ZCCHC14: variants seen among roughly 807,000 people sequenced by gnomAD.
ZCCHC14 encodes zinc finger CCHC-type containing 14.
A neutral mutation model predicts 85.0 loss-of-function variants in ZCCHC14; 16 were observed. The observed-to-expected ratio is 0.19, with a 90% CI of 0.13 to 0.29. The LOEUF is 0.29. ZCCHC14 is among the 10% of genes least tolerant of loss of function. The pLI is 1.00. For synonymous variants in ZCCHC14, 775 were observed against 630.7 expected (o/e 1.23, Z -3.43); for missense variants, 1,303 against 1,443.5 (o/e 0.90, Z 1.58).
chr16:87,419,321 G>A (rs1457170319), intron 6 of ZCCHC14, among the ~76,000 whole-genome samples: 1 of 150,838 alleles, frequency 6.6e-6, no homozygotes, highest in East Asian at 2.0e-4. Flanking sequence ...TTATTTTGGA[G>A]ATGGAGACTT....
intron 6 of ZCCHC14, 119 bp from the exon 7 acceptor site, chr16:87,419,020 G>C (rs950987530): frequency 1.1e-5 from 10 of 925,270 alleles, no homozygotes; most frequent in African/African-American, 3.3e-5. Context: ...GCAATGGTGC[G>C]ATCTCGGCTC....
At chr16:87,419,352 G>A (rs1364493513) in intron 6 of ZCCHC14, among the ~76,000 whole-genome samples, 1 of 152,006 alleles carries the variant, frequency 6.6e-6, no homozygotes, top group African/African-American at 2.4e-5. Flanking sequence ...CCATGCTGGA[G>A]TGCAGTGGTG....
At chr16:87,454,038 G>C (rs764098305) in intron 2 of ZCCHC14, among the ~76,000 whole-genome samples, 45 of 152,146 alleles carry the variant, frequency 3.0e-4, no homozygotes, top group African/African-American at 4.8e-5. Flanking sequence ...CATTAGCTTG[G>C]TGTACCAGCA....
chr16:87,444,993 C>A (rs889841629), intron 2 of ZCCHC14, among the ~76,000 whole-genome samples: 2 of 152,120 alleles, frequency 1.3e-5, no homozygotes, highest in Non-Finnish European at 2.9e-5. Flanking sequence ...ACAATTCACT[C>A]CCAATGTTTC....
At chr16:87,410,932 C>A (rs1199804393) in intron 12 of ZCCHC14, among the ~76,000 whole-genome samples, 1 of 152,200 alleles carries the variant, frequency 6.6e-6, no homozygotes, top group East Asian at 1.9e-4. Context: ...GAGTTGGGAC[C>A]CACCTTCCCA....
chr16:87,462,768 A>G (rs1414576646), intron 1 of ZCCHC14, among the ~76,000 whole-genome samples: 1 of 148,570 alleles, frequency 6.7e-6, no homozygotes, highest in Non-Finnish European at 1.5e-5. Flanking sequence ...AGAAAAAAGA[A>G]AAAAAACAAA....
intron 1 of ZCCHC14, among the ~76,000 whole-genome samples, chr16:87,478,054 A>G (rs1247802820): frequency 2.6e-5 from 4 of 152,208 alleles, no homozygotes; most frequent in East Asian, 3.8e-4. Context: ...TCCTCACCTC[A>G]TATCTTTATT....
chr16:87,484,394 T>C (rs990798409), intron 1 of ZCCHC14, among the ~76,000 whole-genome samples: 1 of 152,074 alleles, frequency 6.6e-6, no homozygotes, highest in Admixed American at 6.5e-5. Context: ...TCCGAAAAAA[T>C]TGTTTTTGTC....
In ZCCHC14 at chr16:87,407,928, G is replaced by A. The variant is rs1481912896; in HGVS notation, c.*2352C>T. 1 of 152,728 alleles carries A rather than the reference G, an allele frequency of 6.5e-6. No homozygotes were observed. The highest frequency in any genetic ancestry group is 6.5e-5 in the Admixed American group (1 of 15,290). The allele number at this position is 152,728 out of a possible 1,614,324, so 9.5% of individuals were successfully genotyped here. On this transcript the variant is annotated 3_prime_UTR_variant, in exon 13 of 13. Coordinates refer to ENST00000671377, the MANE Select transcript of ZCCHC14 (RefSeq NM_015144.3). ...GGTGGTTCCATTTTCTCTGCGCTGTGTAGCTCCTACTTACAGCTGACGATT... is the reference window on the plus strand; with the variant it reads ...GGTGGTTCCATTTTCTCTGCGCTGTATAGCTCCTACTTACAGCTGACGATT...
At chr16:87,415,215 C>G in intron 9 of ZCCHC14, 61 bp downstream of exon 9, 1 of 1,505,600 alleles carries the variant, frequency 6.6e-7, no homozygotes, top group Non-Finnish European at 9.2e-7. Context: ...AGCCTCAGCA[C>G]TCCATTCGGC....
intron 7 of ZCCHC14, 86 bp from the exon 8 acceptor site, chr16:87,417,828 C>T: frequency 7.0e-7 from 1 of 1,429,818 alleles, no homozygotes; most frequent in African/African-American, 1.4e-5. Context: ...CCAGGCCTTT[C>T]TGTGCCAGCC....
At chr16:87,447,915 T>G (rs1910519101) in intron 2 of ZCCHC14, among the ~76,000 whole-genome samples, 1 of 152,226 alleles carries the variant, frequency 6.6e-6, no homozygotes, top group African/African-American at 2.4e-5. Context: ...TACTCTCCTG[T>G]GGCTTTGATG....
chr16:87,486,909 A>G (rs1912536441), intron 1 of ZCCHC14, among the ~76,000 whole-genome samples: 1 of 152,208 alleles, frequency 6.6e-6, no homozygotes, highest in Non-Finnish European at 1.5e-5. Context: ...GCTGCTCCAG[A>G]GAGAGTCCGT....
In ZCCHC14 at chr16:87,417,765, A is replaced by T. The variant is rs747943397; in HGVS notation, c.1101-23T>A. 5.2e-6 allele frequency: 8 copies of T among 1,543,822 alleles called. No individual in the cohort carries two copies. The South Asian group carries it at 9.8e-5, about 19-fold the overall frequency. The stretch of plus-strand genomic sequence containing the variant: ...GGCCTGTGGGACAGGGGCAGGAGGG[A>T]CACAGAGAGACTGTGGCTTCCACAA... On this transcript the variant is annotated intron_variant, in intron 7 of 12. Transcript: ENST00000671377.
rs772215812 is a variant in ZCCHC14 at position 87,412,831 on chromosome 16, C to T, written c.1890G>A (p.Leu630=). The T allele has an allele frequency of 1.3e-5, 21 of 1,609,842 alleles. No individual in the cohort carries two copies. Among genetic ancestry groups the T allele is most frequent in the Non-Finnish European group, 1.8e-5 (21 of 1,177,528 alleles). Residue 630 remains leucine, a synonymous_variant, in exon 12 of 13, where the codon CTG becomes CTA. Coordinates refer to ENST00000671377, the MANE Select transcript of ZCCHC14 (RefSeq NM_015144.3). The stretch of plus-strand genomic sequence containing the variant: ...AGGCTGCGCTCAGCATCTGCGGGGG[C>T]AGGGGGTGGTGGCCTGATGGATTGG... The part of the protein sequence containing the change: ...ASSNPSGHHP[L]PPQMLSAASH...
At chr16:87,424,996 C>A (rs1048594762) in intron 3 of ZCCHC14, among the ~76,000 whole-genome samples, 1 of 152,118 alleles carries the variant, frequency 6.6e-6, no homozygotes, top group Non-Finnish European at 1.5e-5. Context: ...CACCTCTGCT[C>A]CCTCACCCAC....
intron 2 of ZCCHC14, among the ~76,000 whole-genome samples, chr16:87,455,732 G>A (rs989711741): frequency 7.9e-5 from 12 of 152,286 alleles, no homozygotes; most frequent in African/African-American, 2.9e-4. Flanking sequence ...ACGATTTTTC[G>A]ACTTTACAAC....
chr16:87,445,054 T>C (rs1457510363), intron 2 of ZCCHC14, among the ~76,000 whole-genome samples: 1 of 144,780 alleles, frequency 6.9e-6, no homozygotes, highest in Non-Finnish European at 1.5e-5. Context: ...TTTGTGATTT[T>C]GTTTTTCAAA....
At chr16:87,423,619 G>A (rs1264881739) in intron 4 of ZCCHC14, among the ~76,000 whole-genome samples, 191 bp downstream of exon 4, 5 of 152,200 alleles carry the variant, frequency 3.3e-5, no homozygotes, top group African/African-American at 1.2e-4. Flanking sequence ...GCGGGGTCAC[G>A]GACCTGTGCT....
Sources: allele counts gnomAD v4.1 joint callset (sites outside exome capture counted in the v4.1 genomes callset), GRCh38; gene constraint gnomAD v4.1.1; transcripts MANE v1.5; gene names NCBI Gene and HGNC (gene_info 2026-07-23, HGNC 2026-07-21).